The following PRIM2 variants were observed in gnomAD, a reference collection of about 807,000 sequenced individuals.
PRIM2 encodes the protein DNA primase large subunit.
In PRIM2, 39 loss-of-function variants were observed where a neutral mutation model predicts 67.3. The observed-to-expected ratio is 0.58, with a 90% confidence interval of 0.45 to 0.76. PRIM2 has a LOEUF of 0.76. PRIM2 is among the 30% of genes least tolerant of loss of function. The probability of loss-of-function intolerance (pLI) is 0.00; values close to 1 mark genes in which losing one functional copy is unlikely to be tolerated. For synonymous variants in PRIM2, 143 were observed against 198.7 expected (o/e 0.72, Z 2.36); for missense variants, 398 against 598.7 (o/e 0.66, Z 3.50).
Position 57,594,655 on chromosome 6 carries a change from A to T in PRIM2, c.1021-6438A>T, listed in dbSNP as rs1179392900. 1.7e-4 allele frequency among the ~76,000 whole-genome samples: 26 copies of T among 152,236 alleles called. 1 individual carries two copies. Among genetic ancestry groups the T allele is most frequent in the Admixed American group, 1.7e-3 (26 of 15,284 alleles). ...AGAACTTTGATTCCTACCTTACACC[A>T]CAGACAAAAATTAACTTGAGATGAA... On this transcript the variant is annotated intron_variant, in intron 10 of 13. Transcript: ENST00000615550.
intron 7 of PRIM2, among the ~76,000 whole-genome samples, chr6:57,468,152 C>T (rs1773250350): frequency 6.6e-6 from 1 of 152,174 alleles, no homozygotes; most frequent in Non-Finnish European, 1.5e-5. Context: ...CTAGCCAAAA[C>T]TTCCAATACT....
At chr6:57,468,429 G>T (rs1183493011) in intron 7 of PRIM2, among the ~76,000 whole-genome samples, 1 of 152,104 alleles carries the variant, frequency 6.6e-6, no homozygotes, top group Non-Finnish European at 1.5e-5. Context: ...GATGGATTAC[G>T]TTTATTGATT....
At chr6:57,234,654 G>C in the PRIM2 span, among the ~76,000 whole-genome samples, 1 of 152,232 alleles carries the variant, frequency 6.6e-6, no homozygotes, top group Non-Finnish European at 1.5e-5. Context: ...CTCCCAAGTA[G>C]CTGGGACTAC....
At chr6:57,391,911 A>G (rs1770361664) in intron 7 of PRIM2, among the ~76,000 whole-genome samples, 1 of 152,180 alleles carries the variant, frequency 6.6e-6, no homozygotes, top group East Asian at 1.9e-4. Context: ...TCTGTGAAGA[A>G]TGTCATTGAT....
chr6:57,595,599 C>A (rs1776351916), intron 10 of PRIM2, among the ~76,000 whole-genome samples: 1 of 152,104 alleles, frequency 6.6e-6, no homozygotes, highest in African/African-American at 2.4e-5. Flanking sequence ...TACCACAACC[C>A]CCTTCTCAGG....
intron 5 of PRIM2, among the ~76,000 whole-genome samples, chr6:57,330,819 G>T (rs1768032258): frequency 6.6e-6 from 1 of 152,004 alleles, no homozygotes; most frequent in Non-Finnish European, 1.5e-5. Flanking sequence ...CATTAAGAAA[G>T]GATGTTGTAT....
At position 57,446,418 on chromosome 6, in the gene PRIM2, C is replaced by CTTTTTTTTTTTTTTTTTTTTTTTTTTTTT. The variant is rs397958660; in HGVS notation, c.694-60954_694-60953insTTTTTTTTTTTTTTTTTTTTTTTTTTTTT. Reference sequence around the variant, plus strand: ...GGCATAGGCCTGGCACACGCCACTTCTTTTTTTTTTTTTTTGAGACAGTCT... The same window carrying CTTTTTTTTTTTTTTTTTTTTTTTTTTTTT: ...GGCATAGGCCTGGCACACGCCACTTCTTTTTTTTTTTTTTTTTTTTTTTTTTTTTTTTTTTTTTTTTTTTGAGACAGTCT... On this transcript the variant is annotated intron_variant, in intron 7 of 13. Coordinates refer to ENST00000615550, the MANE Select transcript of PRIM2 (RefSeq NM_000947.5). 7.2e-5 allele frequency among the ~76,000 whole-genome samples: 6 copies of CTTTTTTTTTTTTTTTTTTTTTTTTTTTTT among 83,816 alleles called. 2 individuals carry two copies. The highest frequency in any genetic ancestry group is 9.7e-5 in the African/African-American group (2 of 20,604). 55.0% of individuals were successfully genotyped at this position (83,816 alleles called of 152,430 possible).
At chr6:57,340,449 A>G (rs569211802) in intron 5 of PRIM2, among the ~76,000 whole-genome samples, 1 of 152,326 alleles carries the variant, frequency 6.6e-6, no homozygotes, top group Non-Finnish European at 1.5e-5. Context: ...AAGACTTGGA[A>G]CCAACCCAAA....
chr6:57,461,418 A>C (rs1312570186), intron 7 of PRIM2, among the ~76,000 whole-genome samples: 7 of 152,204 alleles, frequency 4.6e-5, no homozygotes, highest in African/African-American at 1.4e-4. Context: ...CGCTCTGACA[A>C]GTTCTGGCAA....
chr6:57,411,138 T>C (rs797002347), intron 7 of PRIM2, among the ~76,000 whole-genome samples: 5 of 151,998 alleles, frequency 3.3e-5, no homozygotes, highest in African/African-American at 1.2e-4. Context: ...CCCCCAACTC[T>C]CTCTCTCTTG....
intron 7 of PRIM2, among the ~76,000 whole-genome samples, chr6:57,395,562 G>A (rs1410465054): frequency 6.6e-6 from 1 of 152,036 alleles, no homozygotes; most frequent in Non-Finnish European, 1.5e-5. Context: ...TCTTTTCTTG[G>A]TTAATCTTGC....
chr6:57,234,385 G>A, the PRIM2 span, among the ~76,000 whole-genome samples: 1 of 152,140 alleles, frequency 6.6e-6, no homozygotes, highest in Non-Finnish European at 1.5e-5. Flanking sequence ...ATCACTGTTG[G>A]TATTCTCCAG....
At chr6:57,360,960 G>T (rs1251601823) in intron 5 of PRIM2, among the ~76,000 whole-genome samples, 10 of 152,074 alleles carry the variant, frequency 6.6e-5, no homozygotes, top group Non-Finnish European at 1.5e-4. Flanking sequence ...TGCAGTTTTG[G>T]GGGGCATCGA....
the PRIM2 span, among the ~76,000 whole-genome samples, chr6:57,250,032 T>A: frequency 1.3e-5 from 2 of 152,188 alleles, no homozygotes; most frequent in African/African-American, 4.8e-5. Context: ...CACTGTGGCT[T>A]AGATTGTTCA....
intron 10 of PRIM2, among the ~76,000 whole-genome samples, chr6:57,600,132 T>G (rs1472338819): frequency 6.6e-6 from 1 of 152,166 alleles, no homozygotes; most frequent in Non-Finnish European, 1.5e-5. Context: ...TTTTAAAAGC[T>G]CCTACAAAAT....
intron 8 of PRIM2, among the ~76,000 whole-genome samples, chr6:57,529,655 A>G (rs1436659414): frequency 6.6e-6 from 1 of 152,170 alleles, no homozygotes; most frequent in Non-Finnish European, 1.5e-5. Context: ...ACAAGAGGAG[A>G]TGTGTTTTAG....
chr6:57,515,927 A>G (rs1774478232), intron 8 of PRIM2, among the ~76,000 whole-genome samples: 1 of 151,954 alleles, frequency 6.6e-6, no homozygotes, highest in Non-Finnish European at 1.5e-5. Context: ...TTCCAAGGTT[A>G]TTTAAGTTGT....
intron 7 of PRIM2, among the ~76,000 whole-genome samples, chr6:57,470,498 G>A (rs1204744083): frequency 2.6e-5 from 3 of 116,344 alleles, no homozygotes; most frequent in Middle Eastern, 4.4e-3. Flanking sequence ...TAATCTTTAG[G>A]CAGTCGTAGC....
intron 5 of PRIM2, among the ~76,000 whole-genome samples, chr6:57,353,244 C>A (rs559578189): frequency 4.6e-4 from 68 of 149,078 alleles, no homozygotes; most frequent in Non-Finnish European, 6.5e-4. Flanking sequence ...ATTATATTTA[C>A]AATATCACCA....
Sources: allele counts gnomAD v4.1 joint callset (sites outside exome capture counted in the v4.1 genomes callset), GRCh38; gene constraint gnomAD v4.1.1; transcripts MANE v1.5; gene names NCBI Gene and HGNC (gene_info 2026-07-23, HGNC 2026-07-21).